MT1F: variants seen among roughly 807,000 people sequenced by gnomAD.
The protein encoded by MT1F is metallothionein 1F, also known as metallothionein-1F.
A neutral mutation model predicts 5.4 loss-of-function variants in MT1F; 6 were observed. The observed-to-expected ratio is 1.11, with a 90% CI of 0.61 to 2.19. The LOEUF (loss-of-function observed/expected upper bound fraction) is 2.19. Among genes scored for constraint, MT1F ranks in the 30% most tolerant of loss-of-function variants. The pLI is 0.00. For missense variants in MT1F, 82 were observed against 77.0 expected (o/e 1.07, Z -0.24); for synonymous variants, 28 against 28.3 (o/e 0.99, Z 0.04).
At chr16:56,658,427 G>A (rs1217077476) in intron 1 of MT1F, 41 of 596,016 alleles carry the variant, frequency 6.9e-5, no homozygotes, top group African/African-American at 5.6e-5. Flanking sequence ...ACAGAAAGTC[G>A]AAGTCGCCGT....
In MT1F at chr16:56,658,670, C is replaced by G. The variant is rs759145304; in HGVS notation, c.29-5C>G. 6.2e-7 allele frequency: 1 copy of G among 1,613,974 alleles called. No homozygotes were observed. ...CTCACTGGCTTTTTTTTCTCTTTCTCGCAGGTGTCTCCTGCACCTGCGCTG... is the reference window on the plus strand; with the variant it reads ...CTCACTGGCTTTTTTTTCTCTTTCTGGCAGGTGTCTCCTGCACCTGCGCTG... On this transcript the variant is annotated splice_region_variant and splice_polypyrimidine_tract_variant and intron_variant, in intron 1 of 2. Transcript: ENST00000334350.
At chr16:56,658,374 G>A (rs1328846981) in intron 1 of MT1F, 8 of 588,252 alleles carry the variant, frequency 1.4e-5, no homozygotes, top group Non-Finnish European at 2.4e-5. Context: ...TGAGCAGCAG[G>A]ATTAGATAGG....
Position 56,658,718 on chromosome 16 carries a change from C to T in MT1F, c.72C>T (p.Cys24=). 1 of 1,614,224 alleles carries T rather than the reference C, an allele frequency of 6.2e-7. No homozygotes were observed. Among genetic ancestry groups the T allele is most frequent in the Non-Finnish European group, 8.5e-7 (1 of 1,180,034 alleles). ...CTGGTTCCTGCAAGTGCAAAGAGTG[C>T]AAATGCACCTCCTGCAAGAAGAGTG... The part of the protein sequence containing the change: ...TCAGSCKCKE[C]KCTSCKKSCC... Residue 24 remains cysteine, a synonymous_variant, in exon 2 of 3, where the codon TGC becomes TGT. Transcript: ENST00000334350.
In MT1F at chr16:56,659,300, C is replaced by G. The variant is rs73553604; in HGVS notation, c.*136C>G. On this transcript the variant is annotated 3_prime_UTR_variant, in exon 3 of 3. Coordinates refer to ENST00000334350, the MANE Select transcript of MT1F (RefSeq NM_005949.4). ...TGAGTGATAATTAAACACTTTAGAC[C>G]TGATTCTGACTTCAGTTTCCCTTAT... is the stretch of plus-strand genomic sequence containing the variant. The G allele has an allele frequency of 1.5e-3, 1,142 of 767,160 alleles. 8 individuals are homozygous for G. In the African/African-American group the frequency reaches 0.018, roughly 12 times the overall value. The allele number at this position is 767,160 out of a possible 1,614,324, so 47.5% of individuals were successfully genotyped here. A position where few individuals can be genotyped will look rare whatever the true frequency, so the allele number is the denominator to read the frequency against.
Position 56,658,607 on chromosome 16 carries a change from A to C in MT1F, c.29-68A>C, listed in dbSNP as rs1465767738. 9 of 1,538,372 alleles carry C rather than the reference A, an allele frequency of 5.9e-6. No individual in the cohort carries two copies. The African/African-American group carries it at 1.2e-4, about 21-fold the overall frequency. ...ACAGAGGAGGGGGCAATGGAGACTC[A>C]TTAACTCACTGCTGTACCTCCTGCA... is the stretch of plus-strand genomic sequence containing the variant. On this transcript the variant is annotated intron_variant, in intron 1 of 2. Transcript: ENST00000334350.
chr16:56,658,453 C>T (rs771121735), intron 1 of MT1F: 4 of 608,180 alleles, frequency 6.6e-6, no homozygotes, highest in African/African-American at 1.9e-5. Flanking sequence ...CAGGCTGTGC[C>T]TGGAGCCTGG....
At chr16:56,658,500 C>T in intron 1 of MT1F, 175 bp from the exon 2 acceptor site, 2 of 672,124 alleles carry the variant, frequency 3.0e-6, no homozygotes, top group Admixed American at 2.9e-5. Flanking sequence ...GGCTGCTTGG[C>T]CTTCCCAGCA....
At position 56,659,128 on chromosome 16, in the gene MT1F, C is replaced by G. The variant is rs747455686; in HGVS notation, c.150C>G (p.Cys50Trp). 4.3e-6 allele frequency: 7 copies of G among 1,613,964 alleles called. No individual in the cohort carries two copies. Among genetic ancestry groups the G allele is most frequent in the Non-Finnish European group, 5.9e-6 (7 of 1,179,990 alleles). ...GCSKCAQGCV[C>W]KGASEKCSCC... ...GCAAGTGTGCCCAGGGCTGTGTTTG[C>G]AAAGGGGCGTCAGAGAAGTGCAGCT... is the stretch of plus-strand genomic sequence containing the variant. The change falls in exon 3 of 3, where the codon TGC becomes TGG. Residue 50 changes from cysteine (C) to tryptophan (W), a missense_variant. Coordinates refer to ENST00000334350, the MANE Select transcript of MT1F (RefSeq NM_005949.4).
intron 2 of MT1F, 104 bp from the exon 3 acceptor site, chr16:56,658,969 A>G: frequency 8.8e-7 from 1 of 1,135,346 alleles, no homozygotes; most frequent in Non-Finnish European, 1.3e-6. Context: ...ACCCTCCTGA[A>G]CTGAGGGTCC....
intron 1 of MT1F, 79 bp from the exon 2 acceptor site, chr16:56,658,596 A>C (rs1344284052): frequency 2.0e-5 from 29 of 1,437,156 alleles, no homozygotes; most frequent in African/African-American, 2.8e-5. Context: ...AGGAGGGGGC[A>C]ATGGAGACTC....
rs777387549 is a variant in MT1F at position 56,658,043 on chromosome 16, C to T, written c.-16C>T. 22 of 1,614,056 alleles carry T rather than the reference C, an allele frequency of 1.4e-5. No homozygotes were observed. In the South Asian group the frequency reaches 2.0e-4, roughly 14 times the overall value. On this transcript the variant is annotated 5_prime_UTR_variant, in exon 1 of 3. Coordinates refer to ENST00000334350, the MANE Select transcript of MT1F (RefSeq NM_005949.4). ...TCGCTTCTCTCTTGGAAAGTCCAGT[C>T]TCTCCTCGGCTTGCAATGGACCCCA...
chr16:56,659,046 A>C (rs1567351188), intron 2 of MT1F, 27 bp from the exon 3 acceptor site: 1 of 1,605,612 alleles, frequency 6.2e-7, no homozygotes, highest in Non-Finnish European at 8.5e-7. Flanking sequence ...GTTGGCTGTG[A>C]CCTCTCATGC....
intron 2 of MT1F, 142 bp downstream of exon 2, chr16:56,658,882 T>A (rs1488996228): frequency 8.3e-6 from 10 of 1,204,896 alleles, no homozygotes; most frequent in Middle Eastern, 1.9e-4. Context: ...TCTTCTGCCC[T>A]GTGCAGGGCG....
chr16:56,658,337 C>A, intron 1 of MT1F: 1 of 588,974 alleles, frequency 1.7e-6, no homozygotes, highest in Non-Finnish European at 3.0e-6. Flanking sequence ...GGGCTGTTGG[C>A]TGAGCCCCAG....
Position 56,658,070 on chromosome 16 carries a change from C to T in MT1F, c.12C>T (p.Asn4=). ...CTCCTCGGCTTGCAATGGACCCCAA[C>T]TGCTCCTGCGCCGCTGGTAAGGAAC... MDP[N]CSCAAGVSCT... is the part of the protein sequence containing the mutation. The change falls in exon 1 of 3, where the codon AAC becomes AAT. Residue 4 remains asparagine (N), a synonymous_variant. Coordinates refer to ENST00000334350, the MANE Select transcript of MT1F (RefSeq NM_005949.4). The T allele has an allele frequency of 1.2e-6, 2 of 1,614,182 alleles. No individual in the cohort carries two copies. Among genetic ancestry groups the T allele is most frequent in the Non-Finnish European group, 1.7e-6 (2 of 1,180,004 alleles).
chr16:56,658,235 G>A, intron 1 of MT1F, 149 bp downstream of exon 1: 1 of 863,564 alleles, frequency 1.2e-6, no homozygotes, highest in Non-Finnish European at 1.8e-6. Context: ...CCAAGATCCT[G>A]AGAGCATTTC....
At chr16:56,658,329 G>A in intron 1 of MT1F, 1 of 596,586 alleles carries the variant, frequency 1.7e-6, no homozygotes, top group Non-Finnish European at 3.0e-6. Flanking sequence ...TTGTCCCAGG[G>A]CTGTTGGCTG....
Position 56,659,175 on chromosome 16 carries a change from A to AGT in MT1F, c.*11_*12insGT. The AGT allele has an allele frequency of 6.2e-7, 1 of 1,613,578 alleles. No homozygotes were observed. Among genetic ancestry groups the AGT allele is most frequent in the Non-Finnish European group, 8.5e-7 (1 of 1,179,752 alleles). On this transcript the variant is annotated 3_prime_UTR_variant, in exon 3 of 3. Transcript: ENST00000334350. ...AGCTGCTGCGACTGATGCCAGGACA[A>AGT]CCTTTCTCCCAGATGTAAACAGAGA... is the stretch of plus-strand genomic sequence containing the variant.
In MT1F at chr16:56,659,073, G is replaced by A. The variant is rs1451583886; in HGVS notation, c.95G>A (p.Ser32Asn). ...CTCTCATGCTCCTCTTCTTCCCCAG[G>A]CTGCTGCTCCTGCTGCCCCGTGGGC... ...KECKCTSCKK[S>N]CCSCCPVGCS... Residue 32 changes from serine to asparagine, a missense_variant and splice_region_variant, in exon 3 of 3, where the codon AGC becomes AAC. Transcript: ENST00000334350. 7.4e-6 allele frequency: 12 copies of A among 1,613,548 alleles called. No homozygotes were observed. Among genetic ancestry groups the A allele is most frequent in the Non-Finnish European group, 1.0e-5 (12 of 1,179,978 alleles).
Sources: gnomAD v4.1 joint callset for allele counts on GRCh38, gnomAD v4.1.1 for gene constraint, MANE v1.5 for transcripts, NCBI Gene and HGNC (gene_info 2026-07-23, HGNC 2026-07-21) for gene names.